Variants in CLEC4A observed in about 807,000 individuals in gnomAD.
The protein encoded by CLEC4A is C-type lectin domain family 4 member A.
Under a neutral mutation model 32.7 loss-of-function variants are expected in CLEC4A, and 27 were observed. The ratio of observed to expected loss-of-function variants is 0.83; its 90% CI spans 0.61 to 1.14. The LOEUF is 1.14. CLEC4A is among the 50% of genes most tolerant of loss of function. The pLI is 0.00. For synonymous variants in CLEC4A, 89 were observed against 93.7 expected (o/e 0.95, Z 0.29); for missense variants, 253 against 274.6 (o/e 0.92, Z 0.55).
upstream of CLEC4A, among the ~76,000 whole-genome samples, chr12:8,118,960 A>G (rs909981382): frequency 3.3e-5 from 5 of 152,192 alleles, no homozygotes; most frequent in African/African-American, 9.7e-5. Context: ...AGAAGATACA[A>G]TCATCACCAG....
chr12:8,125,605 C>A lies in CLEC4A; in HGVS notation c.127C>A (p.Pro43Thr), dbSNP rs760036177. Reference sequence around the variant, plus strand: ...CCCTCACAAAAGTAATACCGGATTCCCCAAGCTGCTTTGTGCCTCACTGTT... The same window carrying A: ...CCCTCACAAAAGTAATACCGGATTCACCAAGCTGCTTTGTGCCTCACTGTT... The part of the protein sequence containing the change: ...TAPHKSNTGF[P>T]KLLCASLLIF... Residue 43 changes from proline to threonine, a missense_variant, in exon 2 of 6, where the codon CCC becomes ACC. Coordinates refer to ENST00000229332, the MANE Select transcript of CLEC4A (RefSeq NM_016184.4). 4 of 1,613,408 alleles carry A rather than the reference C, an allele frequency of 2.5e-6. No homozygotes were observed. Among genetic ancestry groups the A allele is most frequent in the Non-Finnish European group, 3.4e-6 (4 of 1,179,458 alleles).
chr12:8,133,207 G>A (rs1025275061), intron 3 of CLEC4A, among the ~76,000 whole-genome samples: 2 of 152,088 alleles, frequency 1.3e-5, no homozygotes. Context: ...GAGCCACCAC[G>A]CCCAGCCTTT....
intron 3 of CLEC4A, chr12:8,134,975 T>TTTTTTTTTTTGTTTG (rs1252899557): frequency 2.3e-5 from 7 of 304,614 alleles, no homozygotes; most frequent in African/African-American, 1.4e-4. Context: ...GTTGAAGCGT[T>TTTTTTTTTTTGTTTG]TTTGTTTTTT....
In CLEC4A at chr12:8,123,799, T is replaced by A; in HGVS notation, c.-80T>A. On this transcript the variant is annotated 5_prime_UTR_variant, in exon 1 of 6. It removes an upstream start codon present in the reference 5' UTR. Transcript: ENST00000229332. ...AAAGGAAGGAGGTAATTTACCACCA[T>A]GTTTGGTTCCTGTTTATAAGATGTT... 1.0e-6 allele frequency: 1 copy of A among 958,070 alleles called. No homozygotes were observed. Among genetic ancestry groups the A allele is most frequent in the South Asian group, 1.3e-5 (1 of 74,336 alleles). 59.3% of individuals were successfully genotyped at this position (958,070 alleles called of 1,614,324 possible).
At chr12:8,137,857 C>T (rs1172375584) in intron 5 of CLEC4A, among the ~76,000 whole-genome samples, 1 of 152,046 alleles carries the variant, frequency 6.6e-6, no homozygotes, top group Admixed American at 6.5e-5. Context: ...CCCATAGGAA[C>T]AGGACATAAG....
At chr12:8,124,039 T>C in intron 1 of CLEC4A, 79 bp downstream of exon 1, 1 of 934,614 alleles carries the variant, frequency 1.1e-6, no homozygotes, top group Non-Finnish European at 1.7e-6. Context: ...GGCATAGGTG[T>C]TTTCAGTTGC....
chr12:8,138,235 A>AT lies in CLEC4A; in HGVS notation c.664dup (p.Cys222LeufsTer10). 1 of 1,614,112 alleles carries AT rather than the reference A, an allele frequency of 6.2e-7. No homozygotes were observed. The highest frequency in any genetic ancestry group is 8.5e-7 in the Non-Finnish European group (1 of 1,180,010). ...AAAAGATGGGGCTGGAATGATGTTA[A>AT]TTGTCTTGGTCCTCAAAGGTCAGTT... is the stretch of plus-strand genomic sequence containing the variant. On this transcript the variant is annotated frameshift_variant, in exon 6 of 6. Transcript: ENST00000229332. LOFTEE classifies it high-confidence loss of function.
chr12:8,136,891 A>G lies in CLEC4A; in HGVS notation c.554A>G (p.Asn185Ser), dbSNP rs759380542. ...HWQWVDQTPY[N>S]ESSTFWHPRE... ...CAATGGGTTGATCAGACACCATACA[A>G]TGAAAGTTCCACGTGAGTATAGAAT... is the stretch of plus-strand genomic sequence containing the variant. The change falls in exon 5 of 6, where the codon AAT becomes AGT. Residue 185 changes from asparagine (N) to serine (S), a missense_variant. Coordinates refer to ENST00000229332, the MANE Select transcript of CLEC4A (RefSeq NM_016184.4). 4.3e-6 allele frequency: 7 copies of G among 1,609,888 alleles called. No individual in the cohort carries two copies. Among genetic ancestry groups the G allele is most frequent in the South Asian group, 2.2e-5 (2 of 91,018 alleles).
In CLEC4A at chr12:8,125,568, G is replaced by A; in HGVS notation, c.90G>A (p.Lys30=). The change falls in exon 2 of 6, where the codon AAG becomes AAA. Residue 30 remains lysine, a synonymous_variant. Transcript: ENST00000229332. ...ATTTGGCTTCTTCTTCAGCTTCCAA[G>A]GAGAGGACTGCCCCTCACAAAAGTA... ...GINTASSAAS[K]ERTAPHKSNT... The A allele has an allele frequency of 6.3e-7, 1 of 1,598,072 alleles. No individual in the cohort carries two copies. The highest frequency in any genetic ancestry group is 2.2e-5 in the East Asian group (1 of 44,766).
At chr12:8,113,487 T>C in the CLEC4A span, among the ~76,000 whole-genome samples, 6 of 152,200 alleles carry the variant, frequency 3.9e-5, no homozygotes, top group Non-Finnish European at 7.3e-5. Flanking sequence ...GAAAACGTTC[T>C]AGGGAGAAAT....
chr12:8,114,607 T>G, the CLEC4A span, among the ~76,000 whole-genome samples: 1 of 152,318 alleles, frequency 6.6e-6, no homozygotes, highest in East Asian at 1.9e-4. Flanking sequence ...TACGAATTTT[T>G]CTTTTTTCAC....
chr12:8,131,352 A>T (rs1036688668), intron 3 of CLEC4A, among the ~76,000 whole-genome samples: 3 of 152,130 alleles, frequency 2.0e-5, no homozygotes, highest in African/African-American at 4.8e-5. Flanking sequence ...AGGGTGGATT[A>T]TGGTATCAGT....
In CLEC4A at chr12:8,123,927, A is replaced by G; in HGVS notation, c.49A>G (p.Lys17Glu). Residue 17 changes from lysine (K) to glutamate (E), a missense_variant, in exon 1 of 6, where the codon AAG becomes GAG. By Grantham distance (56) the Lys-to-Glu change is moderately conservative. Transcript: ENST00000229332. ...TGAAGTGAGGTTCAAAAATGAATTC[A>G]AGTCCTCAGGCATCAACACAGCCTC... Reference protein sequence around the residue: ...YAEVRFKNEFKSSGINTASSA... With the variant: ...YAEVRFKNEFESSGINTASSA... The G allele has an allele frequency of 3.1e-6, 5 of 1,613,168 alleles. No individual in the cohort carries two copies. The highest frequency in any genetic ancestry group is 4.2e-6 in the Non-Finnish European group (5 of 1,179,082).
At chr12:8,133,968 C>T in intron 3 of CLEC4A, 1 of 1,608,892 alleles carries the variant, frequency 6.2e-7, no homozygotes, top group South Asian at 1.1e-5. Flanking sequence ...TCAAAATCCT[C>T]TCGTTGTGCA....
At chr12:8,126,758 C>T (rs1156716134) in intron 2 of CLEC4A, among the ~76,000 whole-genome samples, 1 of 152,032 alleles carries the variant, frequency 6.6e-6, no homozygotes, top group African/African-American at 2.4e-5. Flanking sequence ...GTGCAAGAGG[C>T]TGAGGTAGGC....
At chr12:8,114,005 A>C in the CLEC4A span, among the ~76,000 whole-genome samples, 1 of 152,168 alleles carries the variant, frequency 6.6e-6, no homozygotes, top group African/African-American at 2.4e-5. Context: ...TCGTACTTGT[A>C]ATGTCAGAGG....
intron 3 of CLEC4A, among the ~76,000 whole-genome samples, chr12:8,131,075 T>C (rs1947988375): frequency 6.6e-6 from 1 of 152,212 alleles, no homozygotes; most frequent in South Asian, 2.1e-4. Flanking sequence ...TTGTCTGATG[T>C]TTTTCTAATA....
chr12:8,123,678 T>G lies in CLEC4A; in HGVS notation c.-201T>G. 2 of 543,992 alleles carry G rather than the reference T, an allele frequency of 3.7e-6. No individual in the cohort carries two copies. The highest frequency in any genetic ancestry group is 1.9e-5 in the African/African-American group (1 of 52,406). 33.7% of individuals were successfully genotyped at this position (543,992 alleles called of 1,614,324 possible). A position where few individuals can be genotyped will look rare whatever the true frequency, so the allele number is the denominator to read the frequency against. On this transcript the variant is annotated 5_prime_UTR_variant, in exon 1 of 6. Coordinates refer to ENST00000229332, the MANE Select transcript of CLEC4A (RefSeq NM_016184.4). The stretch of plus-strand genomic sequence containing the variant: ...TCCTGAGGAAAGGGCTTCTGTGAAC[T>G]GCGGTTTTTAGTTTTTATTGTGGTT...
intron 3 of CLEC4A, among the ~76,000 whole-genome samples, chr12:8,132,132 T>G (rs1361571213): frequency 1.3e-5 from 2 of 152,224 alleles, no homozygotes; most frequent in African/African-American, 4.8e-5. Context: ...CATTGGGAAC[T>G]TTTTCATTTG....
Sources: allele counts gnomAD v4.1 joint callset (sites outside exome capture counted in the v4.1 genomes callset), GRCh38; gene constraint gnomAD v4.1.1; transcripts MANE v1.5; gene names NCBI Gene and HGNC (gene_info 2026-07-23, HGNC 2026-07-21).